The following TSHZ3 variants were observed in gnomAD, a reference collection of about 807,000 sequenced individuals.
TSHZ3 encodes teashirt homolog 3.
A neutral mutation model predicts 64.5 loss-of-function variants in TSHZ3; 10 were observed. The ratio of observed to expected loss-of-function variants is 0.16; its 90% confidence interval spans 0.10 to 0.26. The LOEUF (loss-of-function observed/expected upper bound fraction) is 0.26, where lower values mean the gene tolerates loss of function less well. Among genes scored for constraint, TSHZ3 ranks in the 10% least tolerant of loss-of-function variants. TSHZ3 has a pLI of 1.00. For synonymous variants in TSHZ3, 608 were observed against 593.1 expected, an observed-to-expected ratio of 1.03 and a Z score of -0.36; for missense variants, 1,242 against 1,421.7, an observed-to-expected ratio of 0.87 and a Z score of 2.03.
chr19:31,284,123 C>G (rs965314956), intron 1 of TSHZ3, among the ~76,000 whole-genome samples: 3 of 152,180 alleles, frequency 2.0e-5, no homozygotes, highest in African/African-American at 7.2e-5. Context: ...TGCCTGAATT[C>G]TCTAAGGGAG....
At chr19:31,307,077 CA>C (rs1916320456) in intron 1 of TSHZ3, among the ~76,000 whole-genome samples, 3 of 151,922 alleles carry the variant, frequency 2.0e-5, no homozygotes, top group African/African-American at 7.3e-5. Context: ...TGTTCCCCAC[CA>C]AAGCCTTGTA....
At chr19:31,155,420 C>T (rs1375021428) in intron 6 of TSHZ3, among the ~76,000 whole-genome samples, 1 of 152,198 alleles carries the variant, frequency 6.6e-6, no homozygotes, top group Non-Finnish European at 1.5e-5. Flanking sequence ...GCTTTCCAAA[C>T]ACAGCTTCGT....
chr19:31,344,378 C>G (rs1917523383), intron 1 of TSHZ3, among the ~76,000 whole-genome samples: 1 of 152,178 alleles, frequency 6.6e-6, no homozygotes. Flanking sequence ...CACACACACC[C>G]TACTTTATTT....
intron 1 of TSHZ3, among the ~76,000 whole-genome samples, chr19:31,335,963 G>A (rs930289215): frequency 1.3e-5 from 2 of 152,206 alleles, no homozygotes; most frequent in African/African-American, 4.8e-5. Flanking sequence ...AGTCCCTAGT[G>A]CACTGATCTG....
Position 31,340,423 on chromosome 19 carries a change from C to T in TSHZ3, c.40+8757G>A, listed in dbSNP as rs1394264232. 2.7e-5 allele frequency among the ~76,000 whole-genome samples: 4 copies of T among 150,494 alleles called. No homozygotes were observed. In the East Asian group the frequency reaches 5.9e-4, roughly 22 times the overall value. On this transcript the variant is annotated intron_variant, in intron 1 of 1. Coordinates refer to ENST00000240587, the MANE Select transcript of TSHZ3 (RefSeq NM_020856.4). Reference sequence around the variant, plus strand: ...AAACCTAAAGCAACACTCCCCCTCCCGCCTGAAAAAAAATAATTCCCAGCA... The same window carrying T: ...AAACCTAAAGCAACACTCCCCCTCCTGCCTGAAAAAAAATAATTCCCAGCA...
chr19:31,193,695 T>G (rs1568343376), intron 5 of TSHZ3, among the ~76,000 whole-genome samples: 1 of 152,178 alleles, frequency 6.6e-6, no homozygotes, highest in African/African-American at 2.4e-5. Flanking sequence ...TGTAAAGGAC[T>G]TAAAATCTGT....
At chr19:31,181,071 T>C (rs1316231563) in intron 5 of TSHZ3, among the ~76,000 whole-genome samples, 1 of 152,076 alleles carries the variant, frequency 6.6e-6, no homozygotes, top group Non-Finnish European at 1.5e-5. Flanking sequence ...GATGACACAA[T>C]GGCAGGGCAG....
At position 31,349,164 on chromosome 19, in the gene TSHZ3, G is replaced by T; in HGVS notation, c.40+16C>A. 6.5e-7 allele frequency: 1 copy of T among 1,541,056 alleles called. No homozygotes were observed. ...AGAGGAGGAGGAGAGCAGAAGGAAG[G>T]GGAAGCGGCTCGTACCTGCTGCGCG... On this transcript the variant is annotated intron_variant, in intron 1 of 1. Transcript: ENST00000240587.
In TSHZ3 at chr19:31,177,389, G is replaced by A. The variant is rs535845351; in HGVS notation, n.810-20972C>T. Among the ~76,000 whole-genome samples the A allele has an allele frequency of 6.0e-4, 91 of 152,304 alleles. No individual in the cohort carries two copies. The South Asian group carries it at 8.3e-3, about 14-fold the overall frequency. On this transcript the variant is annotated intron_variant and non_coding_transcript_variant, in intron 5 of 6. Coordinates refer to the TSHZ3 transcript ENST00000651361. The stretch of plus-strand genomic sequence containing the variant: ...CAGCATGGTTGCCCTCCCTCAAGGG[G>A]CCCCACGGGAATCTCCATGTAATCT...
chr19:31,347,746 T>A (rs568640743), intron 1 of TSHZ3, among the ~76,000 whole-genome samples: 74 of 152,294 alleles, frequency 4.9e-4, no homozygotes, highest in Middle Eastern at 3.4e-3. Context: ...AACCCTGTTT[T>A]CTTCTGAGAT....
Position 31,279,035 on chromosome 19 carries a change from C to A in TSHZ3, c.758G>T (p.Arg253Leu), listed in dbSNP as rs201015382. 8.1e-6 allele frequency: 13 copies of A among 1,614,018 alleles called. No individual in the cohort carries two copies. The highest frequency in any genetic ancestry group is 1.1e-5 in the Non-Finnish European group (13 of 1,179,924). Reference protein sequence around the residue: ...NHETDNNNPKRWSKPRKRSLL... With the variant: ...NHETDNNNPKLWSKPRKRSLL... ...GGAGCGTTTGCGAGGCTTGGACCAG[C>A]GCTTGGGGTTGTTGTTATCGGTCTC... The change falls in exon 2 of 2, where the codon CGC becomes CTC. Residue 253 changes from arginine (R) to leucine (L), a missense_variant. Arg to Leu is a moderately radical substitution (Grantham distance 102). This residue lies in a region of TSHZ3 where 555 missense variants were observed against 704.0 expected (regional missense o/e 0.79). Transcript: ENST00000240587. The surrounding 1 kb of genome is among the most constrained non-coding windows in gnomAD (Gnocchi z 6.4).
At position 31,222,244 on chromosome 19, in the gene TSHZ3, C is replaced by T. The variant is rs919793481; in HGVS notation, n.686+5761G>A. 8.5e-5 allele frequency among the ~76,000 whole-genome samples: 13 copies of T among 152,272 alleles called. No individual in the cohort carries two copies. The South Asian group carries it at 1.2e-3, about 15-fold the overall frequency. ...CGTCACAGAAGACTAAATGTAAAAT[C>T]CCTCTTTATGGGCTAGTAGAATCTG... On this transcript the variant is annotated intron_variant and non_coding_transcript_variant, in intron 4 of 6. Coordinates refer to the TSHZ3 transcript ENST00000651361.
chr19:31,336,646 TC>T (rs897596531), intron 1 of TSHZ3, among the ~76,000 whole-genome samples: 283 of 152,256 alleles, frequency 1.9e-3, no homozygotes, highest in African/African-American at 6.6e-3. Context: ...AGGGTCTCAC[TC>T]CAGTTCTTCG....
intron 3 of TSHZ3, among the ~76,000 whole-genome samples, chr19:31,240,448 A>G (rs996137418): frequency 6.6e-6 from 1 of 152,212 alleles, no homozygotes; most frequent in Non-Finnish European, 1.5e-5. Flanking sequence ...TTATGGCTTA[A>G]TAGAAGACAG....
rs1250955844 is a variant in TSHZ3, at chr19:31,277,846, T to A, written c.1947A>T (p.Glu649Asp). ...KRATPSPCSS[E>D]VGEPIKMEAS... Reference sequence around the variant, plus strand: ...CCTCCATCTTGATGGGTTCCCCGACTTCGCTGCTACATGGGGAGGGAGTGG... The same window carrying A: ...CCTCCATCTTGATGGGTTCCCCGACATCGCTGCTACATGGGGAGGGAGTGG... Residue 649 changes from glutamate to aspartate, a missense_variant, in exon 2 of 2, where the codon GAA becomes GAT. Transcript: ENST00000240587. The surrounding 1 kb of genome is among the most constrained non-coding windows in gnomAD (Gnocchi z 4.5). 1 of 1,587,660 alleles carries A rather than the reference T, an allele frequency of 6.3e-7. No homozygotes were observed. The highest frequency in any genetic ancestry group is 8.6e-7 in the Non-Finnish European group (1 of 1,168,710).
chr19:31,232,304 A>G (rs1398965779), intron 3 of TSHZ3, among the ~76,000 whole-genome samples: 2 of 152,168 alleles, frequency 1.3e-5, no homozygotes, highest in Admixed American at 1.3e-4. Flanking sequence ...CAATGAATAA[A>G]TGAACGCTTT....
intron 1 of TSHZ3, among the ~76,000 whole-genome samples, chr19:31,245,745 G>A (rs1033914596): frequency 6.6e-6 from 1 of 152,196 alleles, no homozygotes; most frequent in Non-Finnish European, 1.5e-5. Context: ...TCTCAAGAGT[G>A]CATTCCCTGC....
At chr19:31,350,547 G>C (rs912212567), upstream of TSHZ3, among the ~76,000 whole-genome samples, 9 of 151,678 alleles carry the variant, frequency 5.9e-5, no homozygotes, top group East Asian at 1.6e-3. Flanking sequence ...GAGAGCCTAG[G>C]GGGCCGCCGC....
Position 31,278,977 on chromosome 19 carries a change from C to T in TSHZ3, c.816G>A (p.Gln272=), listed in dbSNP as rs773916270. The change falls in exon 2 of 2, where the codon CAG becomes CAA. Residue 272 remains glutamine, a synonymous_variant. Transcript: ENST00000240587. This position sits in a 1 kb window ranked among gnomAD's most constrained non-coding sequence, Gnocchi z 4.7. ...LLEMEGKEDA[Q]KVLKCMYCGH... is the part of the protein sequence containing the mutation. ...CACAGTACATGCACTTCAGCACCTT[C>T]TGGGCGTCTTCCTTCCCTTCCATTT... 6.2e-7 allele frequency: 1 copy of T among 1,614,152 alleles called. No individual in the cohort carries two copies. Among genetic ancestry groups the T allele is most frequent in the South Asian group, 1.1e-5 (1 of 91,076 alleles).
Sources: allele counts gnomAD v4.1 joint callset (sites outside exome capture counted in the v4.1 genomes callset), GRCh38; gene constraint gnomAD v4.1.1; regional missense constraint gnomAD v4.1.1; non-coding constraint Gnocchi (gnomAD v3.1); transcripts MANE v1.5; gene names NCBI Gene and HGNC (gene_info 2026-07-23, HGNC 2026-07-21).